The following DOCK3 variants were observed in gnomAD, a reference collection of about 807,000 sequenced individuals.
The protein encoded by DOCK3 is dedicator of cytokinesis protein 3.
A neutral mutation model predicts 265.6 loss-of-function variants in DOCK3; 60 were observed. The observed-to-expected ratio is 0.23, with a 90% CI of 0.18 to 0.28. DOCK3 has a LOEUF of 0.28. DOCK3 is among the 10% of genes least tolerant of loss of function. The pLI is 1.00. For synonymous variants in DOCK3, 881 were observed against 938.0 expected (o/e 0.94, Z 1.11); for missense variants, 1,981 against 2,594.3 (o/e 0.76, Z 5.14).
At chr3:50,895,805 G>A (rs558087206) in intron 4 of DOCK3, among the ~76,000 whole-genome samples, 142 of 152,232 alleles carry the variant, frequency 9.3e-4, no homozygotes, top group African/African-American at 3.3e-3. Context: ...TGAGAATTAT[G>A]GTTTCCAGCT....
Position 50,927,995 on chromosome 3 carries a change from CT to C in DOCK3, c.219-5985del, listed in dbSNP as rs536987196. Among the ~76,000 whole-genome samples the C allele has an allele frequency of 6.7e-3, 1,021 of 152,038 alleles. 17 individuals carry two copies. The highest frequency in any genetic ancestry group is 3.9e-3 in the Non-Finnish European group (263 of 67,956). ...GATACTTTGGGACTGTTTTTTTCCC[CT>C]GACCTGCATTCTAGAGAGATTTCAT... is the stretch of plus-strand genomic sequence containing the variant. On this transcript the variant is annotated intron_variant, in intron 4 of 52. Transcript: ENST00000266037.
chr3:51,348,100 C>T (rs1166895443), intron 38 of DOCK3, among the ~76,000 whole-genome samples: 1 of 152,130 alleles, frequency 6.6e-6, no homozygotes, highest in Non-Finnish European at 1.5e-5. Flanking sequence ...GACAATTTGA[C>T]TTCCAAAAGA....
At chr3:50,854,869 C>T (rs1239953055) in intron 3 of DOCK3, among the ~76,000 whole-genome samples, 4 of 152,032 alleles carry the variant, frequency 2.6e-5, no homozygotes, top group Non-Finnish European at 5.9e-5. Flanking sequence ...GTTTTCCTAG[C>T]ACTATTTATT....
chr3:51,046,675 A>T (rs539132824), intron 5 of DOCK3, among the ~76,000 whole-genome samples: 11 of 152,312 alleles, frequency 7.2e-5, no homozygotes, highest in African/African-American at 2.6e-4. Context: ...TGGATAGATC[A>T]GACAGAAAAT....
chr3:50,931,194 A>G (rs1300432942), intron 4 of DOCK3, among the ~76,000 whole-genome samples: 1 of 152,080 alleles, frequency 6.6e-6, no homozygotes, highest in Non-Finnish European at 1.5e-5. Context: ...TATTTTCTCT[A>G]TACCACTTTT....
At chr3:51,011,134 T>G (rs1283293234) in intron 5 of DOCK3, among the ~76,000 whole-genome samples, 1 of 152,162 alleles carries the variant, frequency 6.6e-6, no homozygotes, top group East Asian at 1.9e-4. Context: ...CTTTATGGTG[T>G]TCTTTGTATT....
intron 5 of DOCK3, among the ~76,000 whole-genome samples, chr3:51,039,751 G>T (rs2080405925): frequency 6.6e-6 from 1 of 151,830 alleles, no homozygotes. Flanking sequence ...TCTACTCCCA[G>T]TCTATCATGT....
chr3:50,811,487 A>T (rs910172625), intron 2 of DOCK3, among the ~76,000 whole-genome samples: 3 of 152,220 alleles, frequency 2.0e-5, no homozygotes, highest in African/African-American at 7.2e-5. Context: ...TGGAATAGCA[A>T]GTTAAAATCA....
At chr3:51,240,063 C>T (rs767778207) in intron 21 of DOCK3, among the ~76,000 whole-genome samples, 4 of 152,114 alleles carry the variant, frequency 2.6e-5, no homozygotes, top group African/African-American at 4.8e-5. Flanking sequence ...ATCTTTCTAA[C>T]TTTTTGATTT....
At chr3:51,314,455 G>A (rs932644265) in intron 31 of DOCK3, among the ~76,000 whole-genome samples, 2 of 152,152 alleles carry the variant, frequency 1.3e-5, no homozygotes, top group African/African-American at 4.8e-5. Flanking sequence ...GGACTTCTTT[G>A]GCATACATGA....
intron 12 of DOCK3, among the ~76,000 whole-genome samples, chr3:51,165,149 G>A (rs1263067470): frequency 6.6e-6 from 1 of 152,062 alleles, no homozygotes; most frequent in Admixed American, 6.6e-5. Context: ...ATGTTGGCTA[G>A]GATGGTCTTG....
intron 5 of DOCK3, among the ~76,000 whole-genome samples, chr3:51,062,723 T>C (rs532162408): frequency 6.6e-6 from 1 of 152,256 alleles, no homozygotes; most frequent in Non-Finnish European, 1.5e-5. Flanking sequence ...TGCTTGTGGA[T>C]GTATACATGC....
At chr3:51,275,278 C>T in intron 25 of DOCK3, 72 bp downstream of exon 25, 1 of 1,596,738 alleles carries the variant, frequency 6.3e-7, no homozygotes, top group Non-Finnish European at 8.5e-7. Context: ...CAGAGGCAGA[C>T]CAACAAAGAT....
Position 51,381,124 on chromosome 3 carries a change from C to T in DOCK3, c.5658C>T (p.Ser1886=), listed in dbSNP as rs560908602. ...TGGACGGCAGCAACTCTACGCTGTC[C>T]GGCAGTGCCAGCAGCGGCGTGTCCT... ...SGLDGSNSTL[S]GSASSGVSSL... is the part of the protein sequence containing the mutation. Residue 1886 remains serine (S), a synonymous_variant, in exon 53 of 53, where the codon TCC becomes TCT. Coordinates refer to ENST00000266037, the MANE Select transcript of DOCK3 (RefSeq NM_004947.5). This position sits in a 1 kb window ranked among gnomAD's most constrained non-coding sequence, Gnocchi z 5.6. The T allele has an allele frequency of 1.4e-5, 22 of 1,613,890 alleles. No individual in the cohort carries two copies. Among genetic ancestry groups the T allele is most frequent in the Admixed American group, 3.3e-5 (2 of 60,030 alleles).
At chr3:50,750,475 G>A (rs1028711586) in intron 1 of DOCK3, among the ~76,000 whole-genome samples, 1 of 151,836 alleles carries the variant, frequency 6.6e-6, no homozygotes, top group East Asian at 1.9e-4. Context: ...GATTACAGGC[G>A]CCTGCCACCA....
At chr3:51,260,012 G>A in intron 22 of DOCK3, 144 bp from the exon 23 acceptor site, 1 of 752,284 alleles carries the variant, frequency 1.3e-6, no homozygotes, top group Non-Finnish European at 2.0e-6. Flanking sequence ...TAAAAATAAA[G>A]TACCTATCTA....
At chr3:51,094,252 T>G (rs972107625) in intron 9 of DOCK3, among the ~76,000 whole-genome samples, 3 of 152,216 alleles carry the variant, frequency 2.0e-5, no homozygotes, top group Admixed American at 1.3e-4. Flanking sequence ...TGGTACCAGC[T>G]CCTCTTTGTG....
intron 3 of DOCK3, chr3:50,877,321 C>T: frequency 2.6e-6 from 1 of 389,852 alleles, no homozygotes. Flanking sequence ...GTGCAATTTT[C>T]TTGGCCCTCA....
intron 5 of DOCK3, among the ~76,000 whole-genome samples, chr3:51,018,783 T>G (rs2079464940): frequency 1.3e-5 from 2 of 150,148 alleles, no homozygotes; most frequent in Non-Finnish European, 2.9e-5. Context: ...ATTTTCAACT[T>G]TTAGATTATG....
Sources: allele counts gnomAD v4.1 joint callset (sites outside exome capture counted in the v4.1 genomes callset), GRCh38; gene constraint gnomAD v4.1.1; non-coding constraint Gnocchi (gnomAD v3.1); transcripts MANE v1.5; gene names NCBI Gene and HGNC (gene_info 2026-07-23, HGNC 2026-07-21).